Variants in PLEKHG6 observed in about 807,000 individuals in gnomAD.
PLEKHG6 encodes pleckstrin homology domain-containing family G member 6.
In PLEKHG6, 91 loss-of-function variants were observed where a neutral mutation model predicts 97.5. That is an observed-to-expected ratio of 0.93 (90% CI 0.79 to 1.11). The LOEUF (loss-of-function observed/expected upper bound fraction) is 1.11, where lower values mean the gene tolerates loss of function less well. Among genes scored for constraint, PLEKHG6 ranks in the 50% most tolerant of loss-of-function variants. PLEKHG6 has a pLI of 0.00. For synonymous variants in PLEKHG6, 466 were observed against 425.5 expected (o/e 1.10, Z -1.17); for missense variants, 1,044 against 1,031.0 (o/e 1.01, Z -0.17).
Position 6,315,985 on chromosome 12 carries a change from C to A in PLEKHG6, c.606+66C>A. 2 of 1,398,150 alleles carry A rather than the reference C, an allele frequency of 1.4e-6. No homozygotes were observed. The highest frequency in any genetic ancestry group is 2.0e-6 in the Non-Finnish European group (2 of 1,019,014). The allele number at this position is 1,398,150 out of a possible 1,614,324, so 86.6% of individuals were successfully genotyped here. On this transcript the variant is annotated intron_variant, in intron 6 of 15. Transcript: ENST00000684764. The surrounding 1 kb of genome is among the most constrained non-coding windows in gnomAD (Gnocchi z 4.5). ...CTCTGAGCCTGGGGATGAGGGTGGG[C>A]CCTCCAGCCATCCCTGTCTGAATTC... is the stretch of plus-strand genomic sequence containing the variant.
At chr12:6,323,340 A>T (rs1235961667) in intron 13 of PLEKHG6, among the ~76,000 whole-genome samples, 1 of 152,236 alleles carries the variant, frequency 6.6e-6, no homozygotes, top group Non-Finnish European at 1.5e-5. Context: ...CCAGATTATT[A>T]GGGAATCCTC....
At chr12:6,312,925 C>G (rs1565454366) in intron 2 of PLEKHG6, 1 of 1,399,180 alleles carries the variant, frequency 7.1e-7, no homozygotes, top group East Asian at 2.6e-5. Flanking sequence ...ACCTTGAGGA[C>G]AGTTCTGCTT....
rs1947450590 is a variant in PLEKHG6 at position 6,316,167 on chromosome 12, C to T, written c.607-88C>T. 3.7e-6 allele frequency: 5 copies of T among 1,340,192 alleles called. No individual in the cohort carries two copies. The highest frequency in any genetic ancestry group is 5.0e-6 in the Non-Finnish European group (5 of 994,480). 83.0% of individuals were successfully genotyped at this position (1,340,192 alleles called of 1,614,324 possible). On this transcript the variant is annotated intron_variant, in intron 6 of 15. Transcript: ENST00000684764. The surrounding 1 kb of genome is among the most constrained non-coding windows in gnomAD (Gnocchi z 4.1). ...CTTCTTCACCCCCGCCCCTGCTGTCCAAGCTTAAGGTCCTCACCTTTCCTC... is the reference window on the plus strand; with the variant it reads ...CTTCTTCACCCCCGCCCCTGCTGTCTAAGCTTAAGGTCCTCACCTTTCCTC...
intron 13 of PLEKHG6, among the ~76,000 whole-genome samples, chr12:6,322,915 A>G (rs2136775739): frequency 6.7e-6 from 1 of 150,374 alleles, no homozygotes; most frequent in South Asian, 2.1e-4. Flanking sequence ...ATTTTCCTGA[A>G]GGCTAGAGGC....
rs4149652 is a variant in PLEKHG6, at chr12:6,328,216, C to T, written c.*71C>T. 8.9e-4 allele frequency: 1,325 copies of T among 1,494,844 alleles called. 11 individuals carry two copies. The African/African-American group carries it at 0.014, about 16-fold the overall frequency. The allele number at this position is 1,494,844 out of a possible 1,614,324, so 92.6% of individuals were successfully genotyped here. On this transcript the variant is annotated 3_prime_UTR_variant, in exon 16 of 16. Transcript: ENST00000684764. ...CTCCCCAGTAGTGCTGGTCACCCTC[C>T]GGCATCTGTGACTCTACCTCAAGGA... is the stretch of plus-strand genomic sequence containing the variant.
At chr12:6,322,466 G>T (rs1257749758) in intron 13 of PLEKHG6, among the ~76,000 whole-genome samples, 1 of 152,162 alleles carries the variant, frequency 6.6e-6, no homozygotes, top group African/African-American at 2.4e-5. Flanking sequence ...CCCTGCTTCC[G>T]GCTCGGTTCA....
chr12:6,326,640 C>T (rs566902096), intron 14 of PLEKHG6, 67 bp downstream of exon 14: 10 of 1,327,980 alleles, frequency 7.5e-6, no homozygotes, highest in Non-Finnish European at 9.9e-6. Context: ...TGAGAAATGG[C>T]ATTACTGCAC....
At position 6,317,533 on chromosome 12, in the gene PLEKHG6, C is replaced by T. The variant is rs773977580; in HGVS notation, c.868-14C>T. 9 of 1,612,772 alleles carry T rather than the reference C, an allele frequency of 5.6e-6. No homozygotes were observed. Among genetic ancestry groups the T allele is most frequent in the Admixed American group, 1.7e-5 (1 of 59,942 alleles). On this transcript the variant is annotated splice_polypyrimidine_tract_variant and intron_variant, in intron 8 of 15. Transcript: ENST00000684764. ...GAGGGAGCAAACCCTGAGCCCCACC[C>T]ACCTTCCCTGCAGTGGTGTGAGAAG...
At position 6,318,285 on chromosome 12, in the gene PLEKHG6, C is replaced by T. The variant is rs1251622930; in HGVS notation, c.1156-16C>T. ...GACTGCCGAGCGCCCTGACCCCTCC[C>T]CTCTGTGTCCCTCAGAACCTGCGCC... is the stretch of plus-strand genomic sequence containing the variant. On this transcript the variant is annotated splice_polypyrimidine_tract_variant and intron_variant, in intron 10 of 15. Transcript: ENST00000684764. 3 of 1,613,846 alleles carry T rather than the reference C, an allele frequency of 1.9e-6. No homozygotes were observed. The highest frequency in any genetic ancestry group is 2.2e-5 in the East Asian group (1 of 44,872).
intron 13 of PLEKHG6, among the ~76,000 whole-genome samples, chr12:6,320,489 T>A (rs1947667167): frequency 6.6e-6 from 1 of 152,152 alleles, no homozygotes; most frequent in South Asian, 2.1e-4. Flanking sequence ...GTTCCGTGGC[T>A]TGTGGTAACA....
In PLEKHG6 at chr12:6,315,573, G is replaced by A. The variant is rs1378952151; in HGVS notation, c.479G>A (p.Cys160Tyr). The A allele has an allele frequency of 6.3e-7, 1 of 1,578,088 alleles. No individual in the cohort carries two copies. The highest frequency in any genetic ancestry group is 8.7e-7 in the Non-Finnish European group (1 of 1,153,538). ...PGHKEMSQELCHQQEALWELL... is the reference protein window; with the variant it reads ...PGHKEMSQELYHQQEALWELL... ...CCCCAGGAGATGAGCCAGGAGCTCT[G>A]CCACCAACAGGAGGCCCTGTGGGAG... The change falls in exon 5 of 16, where the codon TGC becomes TAC. Residue 160 changes from cysteine (C) to tyrosine (Y), a missense_variant. Cys to Tyr is a radical substitution (Grantham distance 194, BLOSUM62 -2). Coordinates refer to ENST00000684764, the MANE Select transcript of PLEKHG6 (RefSeq NM_001384598.1). This position sits in a 1 kb window ranked among gnomAD's most constrained non-coding sequence, Gnocchi z 4.5.
chr12:6,324,829 G>C (rs555498223), intron 13 of PLEKHG6, among the ~76,000 whole-genome samples: 1 of 152,206 alleles, frequency 6.6e-6, no homozygotes. Flanking sequence ...CAGGTGCCCA[G>C]GAGTTGCTGG....
rs1268672429 is a variant in PLEKHG6, at chr12:6,319,362, C to A, written c.1524+254C>A. 4.6e-6 allele frequency: 3 copies of A among 653,820 alleles called. No homozygotes were observed. In the African/African-American group the frequency reaches 5.5e-5, roughly 12 times the overall value. The allele number at this position is 653,820 out of a possible 1,614,324, so 40.5% of individuals were successfully genotyped here. On this transcript the variant is annotated intron_variant, in intron 13 of 15. Transcript: ENST00000684764. Reference sequence around the variant, plus strand: ...ACTTGGGAGGCTGAGGCAGGAGAATCACTTGAGCCCGGGAAGTGGAGGTTG... The same window carrying A: ...ACTTGGGAGGCTGAGGCAGGAGAATAACTTGAGCCCGGGAAGTGGAGGTTG...
Position 6,318,308 on chromosome 12 carries a change from G to T in PLEKHG6, c.1163G>T (p.Arg388Leu), listed in dbSNP as rs748865560. Residue 388 changes from arginine to leucine, a missense_variant, in exon 11 of 16, where the codon CGC (arginine) becomes CTC (leucine). By Grantham distance (102) the Arg-to-Leu change is moderately radical (BLOSUM62 -2). Coordinates refer to ENST00000684764, the MANE Select transcript of PLEKHG6 (RefSeq NM_001384598.1). ...CCCCTCTGTGTCCCTCAGAACCTGC[G>T]CCCATTCTCCACCCTGGACCTGACG... ...PPSDEVEKNL[R>L]PFSTLDLTSP... 3.7e-5 allele frequency: 60 copies of T among 1,613,882 alleles called. No individual in the cohort carries two copies. The highest frequency in any genetic ancestry group is 5.1e-5 in the Non-Finnish European group (60 of 1,179,990).
intron 2 of PLEKHG6, chr12:6,313,131 C>G: frequency 6.5e-7 from 1 of 1,543,540 alleles, no homozygotes. Flanking sequence ...AGAAGGGCAG[C>G]CACTCCCAGC....
chr12:6,322,548 T>A (rs1947736862), intron 13 of PLEKHG6, among the ~76,000 whole-genome samples: 1 of 152,184 alleles, frequency 6.6e-6, no homozygotes, highest in Non-Finnish European at 1.5e-5. Context: ...TCCACTAGGC[T>A]GGACTGACTG....
chr12:6,327,530 GCCGGAA>G lies in PLEKHG6; in HGVS notation c.1948_1953del (p.Pro650_Glu651del). The G allele has an allele frequency of 7.4e-7, 1 of 1,360,334 alleles. No individual in the cohort carries two copies. Among genetic ancestry groups the G allele is most frequent in the Non-Finnish European group, 9.8e-7 (1 of 1,023,948 alleles). 84.3% of individuals were successfully genotyped at this position (1,360,334 alleles called of 1,614,324 possible). ...CTCAACGCCGAAGCGCCCCCGAACTGCCGGAAGGAATCCTAAAAGGAGGCAGTCTTC... is the reference window on the plus strand; with the variant it reads ...CTCAACGCCGAAGCGCCCCCGAACTGGGAATCCTAAAAGGAGGCAGTCTTC... On this transcript the variant is annotated inframe_deletion, in exon 15 of 16. Transcript: ENST00000684764.
chr12:6,323,329 A>C (rs1362957333), intron 13 of PLEKHG6, among the ~76,000 whole-genome samples: 1 of 152,220 alleles, frequency 6.6e-6, no homozygotes, highest in African/African-American at 2.4e-5. Flanking sequence ...ATTGTCTCAC[A>C]CCAGATTATT....
At chr12:6,313,233 G>T in intron 2 of PLEKHG6, 1 of 1,516,172 alleles carries the variant, frequency 6.6e-7, no homozygotes, top group South Asian at 1.2e-5. Flanking sequence ...TCATAGACAA[G>T]GAGAGTTACG....
Sources: gnomAD v4.1 joint callset for allele counts (sites outside exome capture counted in the v4.1 genomes callset) on GRCh38, gnomAD v4.1.1 for gene constraint, Gnocchi (gnomAD v3.1) non-coding constraint, MANE v1.5 for transcripts, NCBI Gene and HGNC (gene_info 2026-07-23, HGNC 2026-07-21) for gene names.